The following CLBA1 variants were observed in gnomAD, a reference collection of about 807,000 sequenced individuals.
CLBA1 encodes the protein uncharacterized protein CLBA1.
Under a neutral mutation model 28.8 loss-of-function variants are expected in CLBA1, and 30 were observed. The ratio of observed to expected loss-of-function variants is 1.04; its 90% confidence interval spans 0.78 to 1.41. The LOEUF (loss-of-function observed/expected upper bound fraction) is 1.41, where lower values mean the gene tolerates loss of function less well. Among genes scored for constraint, CLBA1 ranks in the 40% most tolerant of loss-of-function variants. The pLI is 0.00. For synonymous variants in CLBA1, 160 were observed against 152.8 expected (o/e 1.05, Z -0.35); for missense variants, 451 against 412.3 (o/e 1.09, Z -0.81).
At position 104,985,794 on chromosome 14, in the gene CLBA1, C is replaced by T. The variant is rs111346382; in HGVS notation, c.-638C>T. ...GCTGGCGCACGCCGTTGCCAGGCAA[C>T]GGGGCGGCGCAGGCAGGAGGGAACG... On this transcript the variant is annotated 5_prime_UTR_variant, in exon 1 of 5. The change creates a new upstream start codon in the 5' untranslated region. Coordinates refer to ENST00000547315, the MANE Select transcript of CLBA1 (RefSeq NM_174891.4). 3.7e-6 allele frequency: 1 copy of T among 269,846 alleles called. No homozygotes were observed. 16.7% of individuals were successfully genotyped at this position (269,846 alleles called of 1,614,324 possible).
Position 104,995,087 on chromosome 14 carries a change from G to T in CLBA1, c.*328G>T, listed in dbSNP as rs1164365100. 4 of 1,021,674 alleles carry T rather than the reference G, an allele frequency of 3.9e-6. No individual in the cohort carries two copies. The highest frequency in any genetic ancestry group is 4.7e-6 in the Non-Finnish European group (4 of 853,830). 63.3% of individuals were successfully genotyped at this position (1,021,674 alleles called of 1,614,324 possible). A position where few individuals can be genotyped will look rare whatever the true frequency, so the allele number is the denominator to read the frequency against. On this transcript the variant is annotated 3_prime_UTR_variant, in exon 5 of 5. Transcript: ENST00000547315. ...TTGCCCAGGGATGGACCCTGGGCAT[G>T]GCTTCTGGGCTGCTTAGTCCAGGGG... is the stretch of plus-strand genomic sequence containing the variant.
chr14:105,000,710 C>G (rs1158901063), intron 2 of CLBA1, among the ~76,000 whole-genome samples: 2 of 151,880 alleles, frequency 1.3e-5, no homozygotes, highest in Non-Finnish European at 2.9e-5. Context: ...AATAAGATAC[C>G]CCCTCACACC....
intron 2 of CLBA1, chr14:104,990,619 A>T (rs1301907700): frequency 6.6e-6 from 1 of 152,152 alleles, no homozygotes; most frequent in African/African-American, 2.4e-5. Flanking sequence ...TTTCCCTTCC[A>T]TACTAGAACG....
At chr14:104,993,472 G>A (rs1900093425) in intron 4 of CLBA1, 7 of 985,266 alleles carry the variant, frequency 7.1e-6, no homozygotes, top group South Asian at 9.4e-5. Context: ...TCTGACTGGC[G>A]GCTTCAGTCA....
rs1160048747 is a variant in CLBA1, at chr14:104,985,856, G to A, written c.-576G>A. Reference sequence around the variant, plus strand: ...GTTTCTCTCGCCCTGGTCCCGCGCGGCCCCGCCGAGGCGGCGACCAAGGTG... The same window carrying A: ...GTTTCTCTCGCCCTGGTCCCGCGCGACCCCGCCGAGGCGGCGACCAAGGTG... On this transcript the variant is annotated 5_prime_UTR_variant, in exon 1 of 5. Coordinates refer to ENST00000547315, the MANE Select transcript of CLBA1 (RefSeq NM_174891.4). The A allele has an allele frequency of 9.3e-6, 2 of 215,522 alleles. No homozygotes were observed. Among genetic ancestry groups the A allele is most frequent in the African/African-American group, 5.7e-5 (1 of 17,428 alleles). The allele number at this position is 215,522 out of a possible 1,614,324, so 13.4% of individuals were successfully genotyped here.
chr14:104,985,871 C>T lies in CLBA1; in HGVS notation c.-561C>T. 3 of 260,284 alleles carry T rather than the reference C, an allele frequency of 1.2e-5. No individual in the cohort carries two copies. Among genetic ancestry groups the T allele is most frequent in the Middle Eastern group, 1.1e-3 (1 of 936 alleles). 16.1% of individuals were successfully genotyped at this position (260,284 alleles called of 1,614,324 possible). ...GTCCCGCGCGGCCCCGCCGAGGCGG[C>T]GACCAAGGTGGGTGCGGGGACTCTC... On this transcript the variant is annotated 5_prime_UTR_variant, in exon 1 of 5. Transcript: ENST00000547315.
At chr14:104,990,901 T>A (rs1373637556) in intron 2 of CLBA1, 1 of 155,010 alleles carries the variant, frequency 6.5e-6, no homozygotes, top group Non-Finnish European at 1.4e-5. Flanking sequence ...CTGTGAGGCA[T>A]AGAGGGGGCA....
rs571618463 is a variant in CLBA1 at position 104,986,806 on chromosome 14, C to G, written c.375C>G (p.Cys125Trp). Reference protein sequence around the residue: ...APKECSSHQPCQGGPWVTGTS... With the variant: ...APKECSSHQPWQGGPWVTGTS... The stretch of plus-strand genomic sequence containing the variant: ...AAGAGTGCAGTTCTCACCAACCATG[C>G]CAGGGTGGACCTTGGGTGACAGGAA... Residue 125 changes from cysteine (C) to tryptophan (W), a missense_variant, in exon 1 of 5, where the codon TGC becomes TGG. By Grantham distance (215) the Cys-to-Trp change is radical. Transcript: ENST00000547315. The G allele has an allele frequency of 2.8e-4, 453 of 1,613,608 alleles. 5 individuals are homozygous for G. In the South Asian group the frequency reaches 4.4e-3, roughly 16 times the overall value.
downstream of CLBA1, among the ~76,000 whole-genome samples, chr14:104,996,268 A>G (rs930261756): frequency 6.6e-6 from 1 of 152,190 alleles, no homozygotes; most frequent in Non-Finnish European, 1.5e-5. Context: ...TCGTCCCCAG[A>G]GGGGAGTGAG....
chr14:104,996,760 A>T (rs1900163448), downstream of CLBA1, among the ~76,000 whole-genome samples: 1 of 152,242 alleles, frequency 6.6e-6, no homozygotes, highest in Non-Finnish European at 1.5e-5. Context: ...GATGTCCAGA[A>T]TCACTGTGCT....
chr14:104,993,582 A>G (rs894953754), intron 4 of CLBA1: 5 of 985,322 alleles, frequency 5.1e-6, no homozygotes, highest in Non-Finnish European at 4.8e-6. Context: ...AGCCGGGCTC[A>G]AGGCAGAAGA....
chr14:104,993,221 C>T (rs1195170229), intron 4 of CLBA1, 157 bp downstream of exon 4: 1 of 985,326 alleles, frequency 1.0e-6, no homozygotes, highest in Non-Finnish European at 1.2e-6. Flanking sequence ...TTAGGGCAGA[C>T]AGGCAAATTG....
chr14:104,997,344 G>A (rs74090187), downstream of CLBA1, among the ~76,000 whole-genome samples: 1,657 of 152,312 alleles, frequency 0.011, 26 homozygotes, highest in African/African-American at 0.035. Context: ...GAGGGAAGAC[G>A]ACAGAGGGTC....
In CLBA1 at chr14:104,991,576, CAGG is replaced by C. The variant is rs1900022546; in HGVS notation, c.658_660del (p.Glu220del). The C allele has an allele frequency of 3.1e-6, 5 of 1,613,578 alleles. No homozygotes were observed. The highest frequency in any genetic ancestry group is 1.3e-5 in the African/African-American group (1 of 74,868). On this transcript the variant is annotated inframe_deletion, in exon 3 of 5. Transcript: ENST00000547315. ...GCGCCTCTGGAGCGAGTCCCGTTGC[CAGG>C]AGAACTTCTTTCTTGTTCTCGGAAT...
chr14:104,991,588 T>G lies in CLBA1; in HGVS notation c.667T>G (p.Phe223Val). Residue 223 changes from phenylalanine to valine, a missense_variant, in exon 3 of 5, where the codon TTT becomes GTT. Coordinates refer to ENST00000547315, the MANE Select transcript of CLBA1 (RefSeq NM_174891.4). ...CGAGTCCCGTTGCCAGGAGAACTTC[T>G]TTCTTGTTCTCGGAATAGATGCTGC... ...WSESRCQENF[F>V]LVLGIDAAQK... 4 of 1,613,522 alleles carry G rather than the reference T, an allele frequency of 2.5e-6. No individual in the cohort carries two copies. Among genetic ancestry groups the G allele is most frequent in the Non-Finnish European group, 3.4e-6 (4 of 1,179,726 alleles).
downstream of CLBA1, among the ~76,000 whole-genome samples, chr14:105,000,280 T>C (rs557674747): frequency 1.3e-5 from 2 of 149,424 alleles, no homozygotes; most frequent in Non-Finnish European, 2.9e-5. Flanking sequence ...CATTTTTTCT[T>C]TCTTTCTTTC....
In CLBA1 at chr14:104,986,861, C is replaced by T. The variant is rs762489974; in HGVS notation, c.423+7C>T. 2 of 1,611,960 alleles carry T rather than the reference C, an allele frequency of 1.2e-6. No individual in the cohort carries two copies. Among genetic ancestry groups the T allele is most frequent in the Non-Finnish European group, 1.7e-6 (2 of 1,179,364 alleles). ...TGCCGTCCCACCTTCTGAGGTATTT[C>T]TGCTGTGCTGTGGTCACCATGTTGA... is the stretch of plus-strand genomic sequence containing the variant. On this transcript the variant is annotated splice_region_variant and intron_variant, in intron 1 of 4. Transcript: ENST00000547315.
At chr14:104,998,673 G>T (rs1900210160), downstream of CLBA1, among the ~76,000 whole-genome samples, 1 of 152,246 alleles carries the variant, frequency 6.6e-6, no homozygotes, top group Non-Finnish European at 1.5e-5. Context: ...AGGAATTAAG[G>T]CCTGGCCAAG....
In CLBA1 at chr14:104,988,680, A is replaced by G. The variant is rs572041913; in HGVS notation, c.424-263A>G. 4.6e-5 allele frequency among the ~76,000 whole-genome samples: 7 copies of G among 152,270 alleles called. No homozygotes were observed. In the East Asian group the frequency reaches 1.2e-3, roughly 25 times the overall value. Reference sequence around the variant, plus strand: ...AACCAAACTGGAAAACAGCACTGACATTATTGGGTGGTCATCTTTTTTCAT... The same window carrying G: ...AACCAAACTGGAAAACAGCACTGACGTTATTGGGTGGTCATCTTTTTTCAT... On this transcript the variant is annotated intron_variant, in intron 1 of 4. Transcript: ENST00000547315.
Sources: allele counts gnomAD v4.1 joint callset (sites outside exome capture counted in the v4.1 genomes callset), GRCh38; gene constraint gnomAD v4.1.1; transcripts MANE v1.5; gene names NCBI Gene and HGNC (gene_info 2026-07-23, HGNC 2026-07-21).